Variants in SBNO1 observed in about 807,000 individuals in gnomAD.
The protein encoded by SBNO1 is protein strawberry notch homolog 1.
In SBNO1, 23 loss-of-function variants were observed where a neutral mutation model predicts 173.6. The ratio of observed to expected loss-of-function variants is 0.13; its 90% CI spans 0.10 to 0.19. The LOEUF is 0.19. Ranked by LOEUF, SBNO1 falls within the 10% of genes least tolerant of loss-of-function variation. The pLI is 1.00. For missense variants in SBNO1, 1,238 were observed against 1,671.2 expected (o/e 0.74, Z 4.52); for synonymous variants, 632 against 571.5 (o/e 1.11, Z -1.51).
At chr12:123,333,644 G>A (rs900399555) in intron 7 of SBNO1, among the ~76,000 whole-genome samples, 16 of 151,738 alleles carry the variant, frequency 1.1e-4, no homozygotes, top group African/African-American at 3.9e-4. Context: ...CTACAGGTGC[G>A]TGCCACTACA....
chr12:123,363,772 G>A (rs368089239), intron 1 of SBNO1: 32 of 781,144 alleles, frequency 4.1e-5, no homozygotes, highest in Non-Finnish European at 4.7e-5. Context: ...CATAAAAAGA[G>A]CTTCTCTGTG....
At chr12:123,331,461 A>ATGT (rs1871196563) in intron 7 of SBNO1, 86 bp from the exon 8 acceptor site, 3 of 1,083,548 alleles carry the variant, frequency 2.8e-6, no homozygotes, top group Admixed American at 3.5e-5. Context: ...GAGTAGGAAT[A>ATGT]TGTTATGTTT....
At chr12:123,352,407 G>A (rs1018914188) in intron 1 of SBNO1, among the ~76,000 whole-genome samples, 9 of 152,080 alleles carry the variant, frequency 5.9e-5, no homozygotes, top group African/African-American at 2.2e-4. Flanking sequence ...TGCCTCCCGG[G>A]CTGATGCTCC....
At chr12:123,359,849 A>C (rs1390826237) in intron 1 of SBNO1, among the ~76,000 whole-genome samples, 1 of 152,214 alleles carries the variant, frequency 6.6e-6, no homozygotes, top group Non-Finnish European at 1.5e-5. Context: ...TGCATCTGTC[A>C]ATCAGCATAT....
At position 123,291,388 on chromosome 12, in the gene SBNO1, G is replaced by C. The variant is rs142449225; in HGVS notation, c.*4520C>G. ...TAAGTTTGATCCCAAATGCACTGAA[G>C]AAGTTAGAGGAGCTTAAAGAAGTCT... On this transcript the variant is annotated 3_prime_UTR_variant, in exon 32 of 32. Coordinates refer to ENST00000602398, the MANE Select transcript of SBNO1 (RefSeq NM_001167856.3). 1 of 152,162 alleles carries C rather than the reference G, an allele frequency of 6.6e-6. No individual in the cohort carries two copies. The highest frequency in any genetic ancestry group is 1.9e-4 in the East Asian group (1 of 5,192). The allele number at this position is 152,162 out of a possible 1,614,324, so 9.4% of individuals were successfully genotyped here.
chr12:123,314,520 G>C (rs777306151), intron 23 of SBNO1, among the ~76,000 whole-genome samples: 12 of 151,784 alleles, frequency 7.9e-5, no homozygotes, highest in African/African-American at 2.7e-4. Flanking sequence ...AGTAGAGACA[G>C]GGTTTCACCA....
At chr12:123,313,741 T>C in intron 23 of SBNO1, 22 bp from the exon 24 acceptor site, 1 of 1,410,300 alleles carries the variant, frequency 7.1e-7, no homozygotes, top group Non-Finnish European at 1.0e-6. Context: ...AATCAAAACC[T>C]TTAACCAGTT....
At chr12:123,307,020 T>TAAAAAAAA (rs34105162) in intron 28 of SBNO1, among the ~76,000 whole-genome samples, 1 of 64,430 alleles carries the variant, frequency 1.6e-5, no homozygotes, top group Non-Finnish European at 2.7e-5. Context: ...TCAACTGCAT[T>TAAAAAAAA]AAAAAAAAAA....
chr12:123,339,000 A>G (rs1286603997), intron 5 of SBNO1, among the ~76,000 whole-genome samples: 1 of 151,722 alleles, frequency 6.6e-6, no homozygotes, highest in African/African-American at 2.4e-5. Flanking sequence ...AGCCAATAAA[A>G]AACTTTTGGT....
At chr12:123,364,523 C>T (rs543977805) in intron 1 of SBNO1, 178 bp downstream of exon 1, 24 of 983,360 alleles carry the variant, frequency 2.4e-5, no homozygotes, top group Non-Finnish European at 2.9e-5. Flanking sequence ...CGGGAACATG[C>T]CCCCGAGGGC....
rs1266650676 is a variant in SBNO1 at position 123,292,020 on chromosome 12, C to T, written c.*3888G>A. 4 of 85,376 alleles carry T rather than the reference C, an allele frequency of 4.7e-5. No homozygotes were observed. Among genetic ancestry groups the T allele is most frequent in the Non-Finnish European group, 7.9e-5 (3 of 37,980 alleles). 5.3% of individuals were successfully genotyped at this position (85,376 alleles called of 1,614,324 possible). The stretch of plus-strand genomic sequence containing the variant: ...ATCAGACAACTGGCATTCAATGAGA[C>T]ATTTTTTTTTTTTTTTGCAGTTTTT... On this transcript the variant is annotated 3_prime_UTR_variant, in exon 32 of 32. Transcript: ENST00000602398.
In SBNO1 at chr12:123,295,296, T is replaced by C. The variant is rs1009802478; in HGVS notation, c.*612A>G. ...TGTACATCTAACAAATGTTTCTCTCTGTTACTCGACTCCTGTGTTAATCTT... is the reference window on the plus strand; with the variant it reads ...TGTACATCTAACAAATGTTTCTCTCCGTTACTCGACTCCTGTGTTAATCTT... On this transcript the variant is annotated 3_prime_UTR_variant, in exon 32 of 32. Transcript: ENST00000602398. 1.3e-5 allele frequency: 2 copies of C among 152,240 alleles called. No individual in the cohort carries two copies. Among genetic ancestry groups the C allele is most frequent in the Non-Finnish European group, 2.9e-5 (2 of 68,068 alleles). The allele number at this position is 152,240 out of a possible 1,614,324, so 9.4% of individuals were successfully genotyped here.
intron 7 of SBNO1, among the ~76,000 whole-genome samples, chr12:123,332,071 G>T (rs1415648092): frequency 1.3e-5 from 2 of 151,600 alleles, no homozygotes; most frequent in South Asian, 4.2e-4. Flanking sequence ...GGATGGTCTC[G>T]ATCTCCTGAC....
At chr12:123,309,136 T>C (rs1392776039) in intron 28 of SBNO1, among the ~76,000 whole-genome samples, 174 bp downstream of exon 28, 1 of 152,088 alleles carries the variant, frequency 6.6e-6, no homozygotes. Context: ...TCCTTTAAAA[T>C]GCATTAAGTA....
chr12:123,301,834 G>A (rs1371876655), intron 30 of SBNO1, among the ~76,000 whole-genome samples: 2 of 152,052 alleles, frequency 1.3e-5, no homozygotes, highest in African/African-American at 4.8e-5. Flanking sequence ...AGCTATGATT[G>A]CTGCACTGTA....
chr12:123,299,080 A>G (rs113381333), intron 30 of SBNO1, among the ~76,000 whole-genome samples: 7,248 of 151,994 alleles, frequency 0.048, 307 homozygotes, highest in East Asian at 0.25. Flanking sequence ...AAAATTAGCC[A>G]GGTATGGGCT....
Position 123,345,194 on chromosome 12 carries a change from T to TA in SBNO1, c.550+63dup, listed in dbSNP as rs1415908001. 4 of 1,395,806 alleles carry TA rather than the reference T, an allele frequency of 2.9e-6. No homozygotes were observed. The African/African-American group carries it at 4.3e-5, about 15-fold the overall frequency. 86.5% of individuals were successfully genotyped at this position (1,395,806 alleles called of 1,614,324 possible). ...TCTTTAAAAACCCAAGCAAATCGTT[T>TA]AAAAAAACATGCTGACATAGCTTAC... On this transcript the variant is annotated intron_variant, in intron 4 of 31. Transcript: ENST00000602398.
intron 20 of SBNO1, among the ~76,000 whole-genome samples, chr12:123,318,891 T>C (rs1869624480): frequency 1.3e-5 from 2 of 151,474 alleles, no homozygotes; most frequent in Middle Eastern, 3.5e-3. Context: ...ACTAGTAATA[T>C]GGACACACAT....
Position 123,328,719 on chromosome 12 carries a change from T to C in SBNO1, c.1296+15A>G, listed in dbSNP as rs766226324. 2 of 1,470,924 alleles carry C rather than the reference T, an allele frequency of 1.4e-6. No homozygotes were observed. The highest frequency in any genetic ancestry group is 4.8e-5 in the East Asian group (2 of 41,744). The allele number at this position is 1,470,924 out of a possible 1,614,324, so 91.1% of individuals were successfully genotyped here. On this transcript the variant is annotated intron_variant, in intron 10 of 31. Transcript: ENST00000602398. Reference sequence around the variant, plus strand: ...TGTCGTTAAAAAATAGAAAAATATTTGCCATAAAGGATACCACTCCATCGA... The same window carrying C: ...TGTCGTTAAAAAATAGAAAAATATTCGCCATAAAGGATACCACTCCATCGA...
Sources: allele counts gnomAD v4.1 joint callset (sites outside exome capture counted in the v4.1 genomes callset), GRCh38; gene constraint gnomAD v4.1.1; transcripts MANE v1.5; gene names NCBI Gene and HGNC (gene_info 2026-07-23, HGNC 2026-07-21).